Variants in CLEC16A observed in about 807,000 individuals in gnomAD.
The protein encoded by CLEC16A is C-type lectin domain containing 16A.
A neutral mutation model predicts 109.5 loss-of-function variants in CLEC16A; 51 were observed. That is an observed-to-expected ratio of 0.47 (90% CI 0.37 to 0.59). CLEC16A has a LOEUF of 0.59. Ranked by LOEUF, CLEC16A falls within the 20% of genes least tolerant of loss-of-function variation. The pLI is 0.00. For missense variants in CLEC16A, 1,339 were observed against 1,394.0 expected (o/e 0.96, Z 0.63); for synonymous variants, 673 against 564.2 (o/e 1.19, Z -2.73).
rs35514760 is a variant in CLEC16A at position 11,008,826 on chromosome 16, T to TAAAA, written c.1303+5541_1303+5544dup. 4.6e-3 allele frequency among the ~76,000 whole-genome samples: 394 copies of TAAAA among 86,230 alleles called. 4 individuals carry two copies. Among genetic ancestry groups the TAAAA allele is most frequent in the African/African-American group, 0.018 (376 of 21,066 alleles). 56.6% of individuals were successfully genotyped at this position (86,230 alleles called of 152,430 possible). ...CAACACAGTGACACCCCGTCTCTAC[T>TAAAA]AAAAAAAAAAAAAAAAAAAAAAACT... On this transcript the variant is annotated intron_variant, in intron 11 of 23. Coordinates refer to ENST00000409790, the MANE Select transcript of CLEC16A (RefSeq NM_015226.3).
At chr16:10,991,650 T>C (rs2044021453) in intron 10 of CLEC16A, among the ~76,000 whole-genome samples, 1 of 152,282 alleles carries the variant, frequency 6.6e-6, no homozygotes, top group Middle Eastern at 3.4e-3. Context: ...TGTGTCCCCA[T>C]GTCTAGCATG....
intron 19 of CLEC16A, among the ~76,000 whole-genome samples, chr16:11,067,677 G>T: frequency 6.6e-6 from 1 of 152,226 alleles, no homozygotes; most frequent in South Asian, 2.1e-4. Context: ...GCCCTCTCTG[G>T]CCTCAGTGGA....
intron 8 of CLEC16A, among the ~76,000 whole-genome samples, chr16:10,977,939 G>A (rs572151952): frequency 2.3e-4 from 35 of 152,124 alleles, no homozygotes; most frequent in Non-Finnish European, 2.9e-4. Flanking sequence ...AAAGATTACC[G>A]ACATCAGGAG....
rs138008278 is a variant in CLEC16A at position 11,028,182 on chromosome 16, G to A, written c.1537+3261G>A. On this transcript the variant is annotated intron_variant, in intron 13 of 23. Transcript: ENST00000409790. ...GCCATTGCACTCCAGCCTGGGCAACGAGCGAAACTCTGTCTCAACAAAAAG... is the reference window on the plus strand; with the variant it reads ...GCCATTGCACTCCAGCCTGGGCAACAAGCGAAACTCTGTCTCAACAAAAAG... Among the ~76,000 whole-genome samples the A allele has an allele frequency of 1.1e-3, 161 of 152,244 alleles. 1 individual carries two copies. The highest frequency in any genetic ancestry group is 2.1e-3 in the African/African-American group (87 of 41,548).
intron 11 of CLEC16A, among the ~76,000 whole-genome samples, chr16:11,009,873 G>C (rs961005815): frequency 2.6e-5 from 4 of 152,164 alleles, no homozygotes; most frequent in African/African-American, 9.7e-5. Context: ...GAATATGGTG[G>C]CCAGGCGCAG....
chr16:10,998,963 A>G (rs2044496223), intron 10 of CLEC16A, among the ~76,000 whole-genome samples: 2 of 152,248 alleles, frequency 1.3e-5, no homozygotes, highest in African/African-American at 2.4e-5. Context: ...TCTGCATGCT[A>G]ACTGTGATGT....
intron 19 of CLEC16A, among the ~76,000 whole-genome samples, chr16:11,080,134 T>C (rs2049618493): frequency 6.6e-6 from 1 of 152,200 alleles, no homozygotes; most frequent in African/African-American, 2.4e-5. Flanking sequence ...ACTCTGAGTG[T>C]TTCCTCACCC....
chr16:11,154,439 T>TTTA, intron 22 of CLEC16A, among the ~76,000 whole-genome samples: 1 of 152,356 alleles, frequency 6.6e-6, no homozygotes, highest in South Asian at 2.1e-4. Flanking sequence ...GATTTTCATA[T>TTTA]AAATCCTTTA....
At chr16:11,048,971 A>G (rs1227854733) in intron 17 of CLEC16A, among the ~76,000 whole-genome samples, 1 of 151,878 alleles carries the variant, frequency 6.6e-6, no homozygotes, top group East Asian at 1.9e-4. Context: ...TTGACAATGC[A>G]ACCTTGAGTG....
intron 19 of CLEC16A, among the ~76,000 whole-genome samples, chr16:11,065,998 GA>G (rs1441614079): frequency 6.6e-6 from 1 of 152,198 alleles, no homozygotes; most frequent in Non-Finnish European, 1.5e-5. Context: ...AGGGGCCTTC[GA>G]GCTGCACTGG....
At position 11,001,000 on chromosome 16, in the gene CLEC16A, TAAGAGA is replaced by T. The variant is rs1168521927; in HGVS notation, c.1072-2071_1072-2066del. Among the ~76,000 whole-genome samples the T allele has an allele frequency of 2.6e-5, 4 of 152,356 alleles. No individual in the cohort carries two copies. The East Asian group carries it at 7.7e-4, about 29-fold the overall frequency. On this transcript the variant is annotated intron_variant, in intron 10 of 23. Transcript: ENST00000409790. ...ATCTGAACATTATTTCAGACTCTGA[TAAGAGA>T]AAAACACTTCAATCAAAATCCCGCC...
At chr16:10,988,901 C>T (rs918697646) in intron 10 of CLEC16A, among the ~76,000 whole-genome samples, 1 of 152,166 alleles carries the variant, frequency 6.6e-6, no homozygotes, top group African/African-American at 2.4e-5. Context: ...TTATAATGAC[C>T]TTAGTTCCTA....
chr16:11,158,041 C>T (rs1374172804), intron 22 of CLEC16A, among the ~76,000 whole-genome samples: 2 of 152,158 alleles, frequency 1.3e-5, no homozygotes, highest in Non-Finnish European at 2.9e-5. Context: ...CACCTCCCAG[C>T]CCCCCATCTC....
intron 22 of CLEC16A, among the ~76,000 whole-genome samples, chr16:11,165,121 G>A (rs753003058): frequency 2.6e-5 from 4 of 152,124 alleles, no homozygotes; most frequent in South Asian, 4.1e-4. Flanking sequence ...GGCTGAAGTC[G>A]TGGCCTGCAG....
chr16:10,985,462 A>T (rs868582067), intron 10 of CLEC16A, among the ~76,000 whole-genome samples: 63 of 151,734 alleles, frequency 4.2e-4, no homozygotes, highest in African/African-American at 1.5e-3. Flanking sequence ...AGGCGTGTTT[A>T]CCGTGAAACC....
intron 22 of CLEC16A, among the ~76,000 whole-genome samples, chr16:11,150,721 TA>T: frequency 6.6e-6 from 1 of 152,302 alleles, no homozygotes; most frequent in Non-Finnish European, 1.5e-5. Context: ...CTGGGTGGCA[TA>T]AACAGCAGAA....
intron 18 of CLEC16A, among the ~76,000 whole-genome samples, chr16:11,056,391 G>A (rs876476): frequency 0.26 from 39,578 of 152,142 alleles, 5,299 homozygotes; most frequent in Non-Finnish European, 0.29. Flanking sequence ...TCTGAACAGA[G>A]ATGGAGCAGT....
intron 9 of CLEC16A, among the ~76,000 whole-genome samples, chr16:10,981,549 A>G (rs1035713520): frequency 6.6e-6 from 1 of 152,218 alleles, no homozygotes; most frequent in Non-Finnish European, 1.5e-5. Context: ...CCCTTGTTCA[A>G]ACAGTACAAA....
At chr16:11,055,011 T>G (rs2048137914) in intron 18 of CLEC16A, among the ~76,000 whole-genome samples, 2 of 151,972 alleles carry the variant, frequency 1.3e-5, no homozygotes, top group Non-Finnish European at 2.9e-5. Flanking sequence ...TTTATTTTCC[T>G]TAAGGACTTG....
Sources: allele counts gnomAD v4.1 joint callset (sites outside exome capture counted in the v4.1 genomes callset), GRCh38; gene constraint gnomAD v4.1.1; transcripts MANE v1.5; gene names NCBI Gene and HGNC (gene_info 2026-07-23, HGNC 2026-07-21).